RIN2: variants seen among roughly 807,000 people sequenced by gnomAD.
RIN2 encodes the protein Ras and Rab interactor 2, also known as RAB5 interacting protein 2.
In RIN2, 36 loss-of-function variants were observed where a neutral mutation model predicts 78.0. That is an observed-to-expected ratio of 0.46 (90% CI 0.35 to 0.61). The LOEUF is 0.61. RIN2 is among the 20% of genes least tolerant of loss of function. The pLI, the probability that RIN2 is intolerant of heterozygous loss-of-function variation, is 0.00. For synonymous variants in RIN2, 466 were observed against 466.8 expected (o/e 1.00, Z 0.02); for missense variants, 1,087 against 1,159.7 (o/e 0.94, Z 0.91).
chr20:19,991,302 A>C (rs191099787), intron 10 of RIN2, among the ~76,000 whole-genome samples: 49 of 152,360 alleles, frequency 3.2e-4, no homozygotes, highest in African/African-American at 1.2e-3. Context: ...TATAGTTCAC[A>C]GTTATTTATA....
chr20:19,810,267 G>T (rs1352878675), intron 2 of RIN2, among the ~76,000 whole-genome samples: 1 of 151,238 alleles, frequency 6.6e-6, no homozygotes, highest in Non-Finnish European at 1.5e-5. Context: ...AAAAAGCCAG[G>T]TGTGGTGGTG....
intron 2 of RIN2, among the ~76,000 whole-genome samples, chr20:19,844,661 T>G (rs1335463175): frequency 7.3e-6 from 1 of 136,080 alleles, no homozygotes; most frequent in Non-Finnish European, 1.5e-5. Flanking sequence ...CTTCTTCTTC[T>G]TCTTCTTCCT....
intron 1 of RIN2, among the ~76,000 whole-genome samples, chr20:19,778,860 G>A (rs1356751886): frequency 1.3e-5 from 2 of 152,148 alleles, no homozygotes; most frequent in East Asian, 1.9e-4. Flanking sequence ...GCCTGGGACT[G>A]TATTCCTGGC....
At chr20:19,964,768 G>C (rs1185305643) in intron 6 of RIN2, among the ~76,000 whole-genome samples, 184 bp from the exon 7 acceptor site, 1 of 152,220 alleles carries the variant, frequency 6.6e-6, no homozygotes, top group Non-Finnish European at 1.5e-5. Flanking sequence ...TGAACTTCCA[G>C]ATCATCGACT....
intron 3 of RIN2, among the ~76,000 whole-genome samples, chr20:19,933,247 A>T (rs1390357679): frequency 6.6e-6 from 1 of 152,160 alleles, no homozygotes; most frequent in Non-Finnish European, 1.5e-5. Flanking sequence ...ATCATGGAAG[A>T]CTCAAGGTGG....
intron 2 of RIN2, among the ~76,000 whole-genome samples, chr20:19,867,886 A>G (rs1280606575): frequency 1.3e-5 from 2 of 152,224 alleles, no homozygotes; most frequent in Non-Finnish European, 2.9e-5. Flanking sequence ...TGCTCTGAAA[A>G]TGCTGTGCAG....
Position 19,944,829 on chromosome 20 carries a change from T to C in RIN2, c.158+9630T>C, listed in dbSNP as rs531669022. Among the ~76,000 whole-genome samples the C allele has an allele frequency of 2.0e-5, 3 of 152,302 alleles. No individual in the cohort carries two copies. The South Asian group carries it at 6.2e-4, about 32-fold the overall frequency. ...CTGGCCTGTAGAAGCTTTGGGGTTT[T>C]GCTTTCTCCCAGGTCACATGAAATG... is the stretch of plus-strand genomic sequence containing the variant. On this transcript the variant is annotated intron_variant, in intron 4 of 12. Transcript: ENST00000255006.
intron 3 of RIN2, among the ~76,000 whole-genome samples, chr20:19,901,825 T>C (rs1212412074): frequency 6.6e-6 from 1 of 152,056 alleles, no homozygotes; most frequent in Non-Finnish European, 1.5e-5. Context: ...GAGACCAGCC[T>C]GGCCAACATG....
chr20:19,973,888 C>T (rs1421566085), intron 8 of RIN2, among the ~76,000 whole-genome samples: 4 of 152,132 alleles, frequency 2.6e-5, no homozygotes, highest in Non-Finnish European at 5.9e-5. Flanking sequence ...AACACTGAGA[C>T]TCATCTGCAA....
chr20:19,882,262 A>G (rs2038047390), intron 2 of RIN2, among the ~76,000 whole-genome samples: 1 of 152,196 alleles, frequency 6.6e-6, no homozygotes, highest in Non-Finnish European at 1.5e-5. Flanking sequence ...AAAACAGCCA[A>G]CACCTCACAG....
At position 19,959,419 on chromosome 20, in the gene RIN2, G is replaced by C. The variant is rs76055411; in HGVS notation, c.352-1281G>C. Among the ~76,000 whole-genome samples, 4 of 152,244 alleles carry C rather than the reference G, an allele frequency of 2.6e-5. No homozygotes were observed. In the East Asian group the frequency reaches 7.7e-4, roughly 29 times the overall value. Reference sequence around the variant, plus strand: ...CCTGGATGCTATTTAGGAAGCATCTGCTTCAGTTTTAGGGTGTCCCAGAGG... The same window carrying C: ...CCTGGATGCTATTTAGGAAGCATCTCCTTCAGTTTTAGGGTGTCCCAGAGG... On this transcript the variant is annotated intron_variant, in intron 5 of 12. Coordinates refer to ENST00000255006, the MANE Select transcript of RIN2 (RefSeq NM_018993.4).
At chr20:19,908,859 G>A (rs1300579133) in intron 3 of RIN2, among the ~76,000 whole-genome samples, 3 of 152,142 alleles carry the variant, frequency 2.0e-5, no homozygotes, top group Admixed American at 6.5e-5. Flanking sequence ...CACGCCTGTT[G>A]TTCAGTTTGT....
At position 20,000,726 on chromosome 20, in the gene RIN2, C is replaced by T. The variant is rs376143470; in HGVS notation, c.2478C>T (p.Phe826=). The change falls in exon 13 of 13, where the codon TTC becomes TTT. Residue 826 remains phenylalanine (F), a synonymous_variant. Coordinates refer to ENST00000255006, the MANE Select transcript of RIN2 (RefSeq NM_018993.4). The stretch of plus-strand genomic sequence containing the variant: ...TGTGTCAGATCTGCGCTGAGAAGTT[C>T]AAGGTGGGGGACCCTGAGGAGTACA... The part of the protein sequence containing the change: ...EDVCQICAEK[F]KVGDPEEYSL... 123 of 1,613,848 alleles carry T rather than the reference C, an allele frequency of 7.6e-5. No individual in the cohort carries two copies. Among genetic ancestry groups the T allele is most frequent in the Non-Finnish European group, 1.0e-4 (118 of 1,179,888 alleles).
chr20:19,831,922 T>G (rs1371900280), intron 2 of RIN2, among the ~76,000 whole-genome samples: 1 of 152,180 alleles, frequency 6.6e-6, no homozygotes, highest in African/African-American at 2.4e-5. Context: ...AACAAATGCA[T>G]GTATTGGTTC....
chr20:19,851,038 G>GAGAAAGA (rs1250153923), intron 2 of RIN2, among the ~76,000 whole-genome samples: 3 of 88,376 alleles, frequency 3.4e-5, no homozygotes, highest in African/African-American at 9.1e-5. Context: ...AGGAAGGAAG[G>GAGAAAGA]AAGGAAGGAA....
chr20:19,956,273 A>AG (rs1161577484), intron 4 of RIN2, among the ~76,000 whole-genome samples: 5 of 151,260 alleles, frequency 3.3e-5, no homozygotes, highest in East Asian at 1.9e-4. Context: ...AAAAAAAAAA[A>AG]AAAAGAAAAG....
intron 2 of RIN2, among the ~76,000 whole-genome samples, chr20:19,869,690 A>G (rs13045483): frequency 0.045 from 6,788 of 151,536 alleles, 453 homozygotes; most frequent in African/African-American, 0.15. Flanking sequence ...CAGTGGTGCA[A>G]TCACAGCTAC....
At chr20:19,769,541 T>C (rs563421627) in intron 1 of RIN2, among the ~76,000 whole-genome samples, 1 of 152,178 alleles carries the variant, frequency 6.6e-6, no homozygotes, top group South Asian at 2.1e-4. Flanking sequence ...GCCCTGCCAG[T>C]GAAGTGTAAC....
intron 2 of RIN2, among the ~76,000 whole-genome samples, chr20:19,864,713 T>C (rs1256899652): frequency 2.0e-5 from 3 of 152,192 alleles, no homozygotes; most frequent in Non-Finnish European, 2.9e-5. Context: ...TTGGTGTATA[T>C]GTAATCAGTC....
Sources: gnomAD v4.1 joint callset for allele counts (sites outside exome capture counted in the v4.1 genomes callset) on GRCh38, gnomAD v4.1.1 for gene constraint, MANE v1.5 for transcripts, NCBI Gene and HGNC (gene_info 2026-07-23, HGNC 2026-07-21) for gene names.